TLE3: variants seen among roughly 807,000 people sequenced by gnomAD.
TLE3 encodes transducin-like enhancer protein 3.
Under a neutral mutation model 93.0 loss-of-function variants are expected in TLE3, and 14 were observed. The observed-to-expected ratio is 0.15, with a 90% CI of 0.10 to 0.24. TLE3 has a LOEUF of 0.24. TLE3 is among the 10% of genes least tolerant of loss of function. The pLI is 1.00. For missense variants in TLE3, 693 were observed against 1,046.6 expected (o/e 0.66, Z 4.66); for synonymous variants, 451 against 425.0 (o/e 1.06, Z -0.75).
chr15:70,094,478 C>CAT, intron 4 of TLE3, 54 bp downstream of exon 4: 2 of 1,334,214 alleles, frequency 1.5e-6, no homozygotes, highest in Non-Finnish European at 2.1e-6. Flanking sequence ...AAGAAGTCCA[C>CAT]ATATATAAGT....
chr15:70,092,810 G>A (rs1268592146), intron 4 of TLE3, among the ~76,000 whole-genome samples: 1 of 152,216 alleles, frequency 6.6e-6, no homozygotes, highest in Admixed American at 6.5e-5. Flanking sequence ...TTCATTCACA[G>A]ACATGCGGAA....
At chr15:70,055,439 G>GT in intron 14 of TLE3, 141 bp from the exon 15 acceptor site, 1 of 1,219,742 alleles carries the variant, frequency 8.2e-7, no homozygotes, top group Non-Finnish European at 1.1e-6. Flanking sequence ...TTCGAACCCA[G>GT]TAACCCCATG....
intron 3 of TLE3, among the ~76,000 whole-genome samples, chr15:70,095,225 C>T (rs776567151): frequency 6.6e-6 from 1 of 152,236 alleles, no homozygotes; most frequent in African/African-American, 2.4e-5. Flanking sequence ...TTTACCAACC[C>T]TAATTTCACA....
chr15:70,051,494 C>A (rs745443096), intron 18 of TLE3, 27 bp from the exon 19 acceptor site: 6 of 1,587,140 alleles, frequency 3.8e-6, no homozygotes, highest in Non-Finnish European at 5.1e-6. Context: ...AAGGCATGAT[C>A]AGGTTGTAGC....
chr15:70,090,116 G>T (rs934542505), intron 4 of TLE3, among the ~76,000 whole-genome samples: 1 of 152,190 alleles, frequency 6.6e-6, no homozygotes, highest in African/African-American at 2.4e-5. Flanking sequence ...GGGTCCAAAG[G>T]CAGTCTTGAG....
At chr15:70,057,104 C>T (rs2056109278) in intron 13 of TLE3, among the ~76,000 whole-genome samples, 1 of 152,206 alleles carries the variant, frequency 6.6e-6, no homozygotes, top group Admixed American at 6.5e-5. Flanking sequence ...ACAACCAGTC[C>T]CATCTACGAG....
At chr15:70,053,405 T>C in intron 16 of TLE3, 31 bp from the exon 17 acceptor site, 1 of 1,579,854 alleles carries the variant, frequency 6.3e-7, no homozygotes. Flanking sequence ...GGAGGGTGAG[T>C]CCCGGGAACC....
In TLE3 at chr15:70,058,125, G is replaced by C. The variant is rs760851945; in HGVS notation, c.1051+34C>G. ...AGAGCAGACCCCCTCCCCCCAATCAGATTAACCCAGCCCATGGTGCCTACC... is the reference window on the plus strand; with the variant it reads ...AGAGCAGACCCCCTCCCCCCAATCACATTAACCCAGCCCATGGTGCCTACC... On this transcript the variant is annotated intron_variant, in intron 12 of 19. Coordinates refer to ENST00000451782, the MANE Select transcript of TLE3 (RefSeq NM_001105192.3). The surrounding 1 kb of genome is among the most constrained non-coding windows in gnomAD (Gnocchi z 4.1). 2.5e-6 allele frequency: 4 copies of C among 1,613,626 alleles called. No individual in the cohort carries two copies. The highest frequency in any genetic ancestry group is 3.4e-6 in the Non-Finnish European group (4 of 1,179,720).
At position 70,049,407 on chromosome 15, in the gene TLE3, C is replaced by T. The variant is rs184834592; in HGVS notation, c.*690G>A. 1 of 152,176 alleles carries T rather than the reference C, an allele frequency of 6.6e-6. No individual in the cohort carries two copies. Among genetic ancestry groups the T allele is most frequent in the East Asian group, 1.9e-4 (1 of 5,164 alleles). 9.4% of individuals were successfully genotyped at this position (152,176 alleles called of 1,614,324 possible). A position where few individuals can be genotyped will look rare whatever the true frequency, so the allele number is the denominator to read the frequency against. ...GAGGCACACGCATTCCAGCAGGCAC[C>T]TTACGGCCAACCTGGTTGCCTTTTC... On this transcript the variant is annotated 3_prime_UTR_variant, in exon 20 of 20. Coordinates refer to ENST00000451782, the MANE Select transcript of TLE3 (RefSeq NM_001105192.3).
rs568553457 is a variant in TLE3, at chr15:70,058,452, A to C, written c.919-161T>G. On this transcript the variant is annotated intron_variant, in intron 11 of 19. Coordinates refer to ENST00000451782, the MANE Select transcript of TLE3 (RefSeq NM_001105192.3). This position sits in a 1 kb window ranked among gnomAD's most constrained non-coding sequence, Gnocchi z 4.1. The stretch of plus-strand genomic sequence containing the variant: ...CCTTGCCCAACCTTGTTTGGCAGGG[A>C]CTGGGGTGATCACTCCCATTTTACA... 20 of 1,346,254 alleles carry C rather than the reference A, an allele frequency of 1.5e-5. No homozygotes were observed. The Admixed American group carries it at 1.8e-4, about 12-fold the overall frequency. 83.4% of individuals were successfully genotyped at this position (1,346,254 alleles called of 1,614,324 possible).
At chr15:70,067,173 G>A (rs1403613640) in intron 6 of TLE3, among the ~76,000 whole-genome samples, 1 of 152,172 alleles carries the variant, frequency 6.6e-6, no homozygotes, top group African/African-American at 2.4e-5. Context: ...GGCTCCAGAG[G>A]CCCAACTTCC....
intron 8 of TLE3, 163 bp from the exon 9 acceptor site, chr15:70,060,812 G>T (rs542889239): frequency 2.0e-5 from 25 of 1,265,114 alleles, no homozygotes; most frequent in Admixed American, 1.4e-4. Context: ...CCTTGCCAGG[G>T]AAGCCTTCCC....
At chr15:70,067,978 G>T (rs2056919762) in intron 6 of TLE3, among the ~76,000 whole-genome samples, 1 of 152,172 alleles carries the variant, frequency 6.6e-6, no homozygotes, top group Non-Finnish European at 1.5e-5. Context: ...AAGCTATGGG[G>T]GCCCCTGGAG....
intron 17 of TLE3, 57 bp downstream of exon 17, chr15:70,053,170 C>A: frequency 3.2e-6 from 5 of 1,555,904 alleles, no homozygotes; most frequent in Admixed American, 1.9e-5. Context: ...GCCACTGGGG[C>A]CCCGGAGGGA....
rs1017824084 is a variant in TLE3, at chr15:70,058,882, G to A, written c.766-67C>T. 6.8e-7 allele frequency: 1 copy of A among 1,472,042 alleles called. No individual in the cohort carries two copies. Among genetic ancestry groups the A allele is most frequent in the Non-Finnish European group, 9.0e-7 (1 of 1,114,640 alleles). The allele number at this position is 1,472,042 out of a possible 1,614,324, so 91.2% of individuals were successfully genotyped here. ...CCAGCCTCGAGGCTTCCCTGCTCTG[G>A]GAGTGGGAAGAGAGAGGGCATGGGC... On this transcript the variant is annotated intron_variant, in intron 10 of 19. Coordinates refer to ENST00000451782, the MANE Select transcript of TLE3 (RefSeq NM_001105192.3). This position sits in a 1 kb window ranked among gnomAD's most constrained non-coding sequence, Gnocchi z 4.1.
chr15:70,085,780 A>G (rs2058012433), intron 4 of TLE3, among the ~76,000 whole-genome samples: 1 of 152,228 alleles, frequency 6.6e-6, no homozygotes, highest in South Asian at 2.1e-4. Context: ...GTCTGGCTTC[A>G]TGGAGATCCC....
Position 70,058,112 on chromosome 15 carries a change from C to CT in TLE3, c.1051+46dup. On this transcript the variant is annotated intron_variant, in intron 12 of 19. Coordinates refer to ENST00000451782, the MANE Select transcript of TLE3 (RefSeq NM_001105192.3). This position sits in a 1 kb window ranked among gnomAD's most constrained non-coding sequence, Gnocchi z 4.1. ...CCTGCCCTGGCCAAGAGCAGACCCC[C>CT]TCCCCCCAATCAGATTAACCCAGCC... 6.2e-7 allele frequency: 1 copy of CT among 1,613,246 alleles called. No homozygotes were observed. Among genetic ancestry groups the CT allele is most frequent in the Non-Finnish European group, 8.5e-7 (1 of 1,179,554 alleles).
At chr15:70,060,846 G>C (rs574838221) in intron 8 of TLE3, 197 bp from the exon 9 acceptor site, 10 of 793,058 alleles carry the variant, frequency 1.3e-5, no homozygotes, top group Non-Finnish European at 2.0e-5. Context: ...CTGAGTCCCC[G>C]GGGAGATGCC....
chr15:70,054,201 T>G (rs1348924055), intron 16 of TLE3: 1 of 501,898 alleles, frequency 2.0e-6, no homozygotes, highest in Non-Finnish European at 3.5e-6. Flanking sequence ...CCAGACATGC[T>G]CCAGCTCCAC....
Sources: gnomAD v4.1 joint callset for allele counts (sites outside exome capture counted in the v4.1 genomes callset) on GRCh38, gnomAD v4.1.1 for gene constraint, Gnocchi (gnomAD v3.1) non-coding constraint, MANE v1.5 for transcripts, NCBI Gene and HGNC (gene_info 2026-07-23, HGNC 2026-07-21) for gene names.